LRRC63: variants seen among roughly 807,000 people sequenced by gnomAD.
LRRC63 encodes the protein leucine rich repeat containing 63, also known as leucine-rich repeat-containing protein 63.
A neutral mutation model predicts 49.5 loss-of-function variants in LRRC63; 40 were observed. The observed-to-expected ratio is 0.81, with a 90% CI of 0.63 to 1.05. LRRC63 has a LOEUF of 1.05. LRRC63 is among the 50% of genes least tolerant of loss of function. LRRC63 has a pLI of 0.00. For missense variants in LRRC63, 636 were observed against 663.1 expected, an observed-to-expected ratio of 0.96 and a Z score of 0.45; for synonymous variants, 191 against 221.1, an observed-to-expected ratio of 0.86 and a Z score of 1.21.
chr13:46,249,255 G>A (rs141040108), intron 6 of LRRC63, among the ~76,000 whole-genome samples: 2,311 of 151,734 alleles, frequency 0.015, 76 homozygotes, highest in African/African-American at 0.052. Flanking sequence ...AACCTAAACA[G>A]AGAATAAGCA....
At chr13:46,255,089 CAG>C (rs1182926463) in intron 7 of LRRC63, among the ~76,000 whole-genome samples, 1 of 152,002 alleles carries the variant, frequency 6.6e-6, no homozygotes, top group Non-Finnish European at 1.5e-5. Flanking sequence ...ATCTTGAAAA[CAG>C]AATGAAATGC....
intron 8 of LRRC63, among the ~76,000 whole-genome samples, chr13:46,262,638 CTA>C (rs1360139683): frequency 3.3e-5 from 5 of 151,840 alleles, no homozygotes; most frequent in African/African-American, 7.2e-5. Flanking sequence ...TTTTTCTACT[CTA>C]AAACTTTTTT....
intron 7 of LRRC63, among the ~76,000 whole-genome samples, chr13:46,257,322 G>A (rs1414246182): frequency 1.3e-5 from 2 of 152,168 alleles, no homozygotes; most frequent in Non-Finnish European, 2.9e-5. Flanking sequence ...ATGCAGTCCT[G>A]CTGATGCCTT....
intron 8 of LRRC63, among the ~76,000 whole-genome samples, chr13:46,263,917 G>A (rs2047648355): frequency 6.6e-6 from 1 of 152,154 alleles, no homozygotes; most frequent in South Asian, 2.1e-4. Flanking sequence ...TTCATTGGCT[G>A]TTTAGCGTTT....
Position 46,260,404 on chromosome 13 carries a change from T to C in LRRC63, c.1227-1505T>C, listed in dbSNP as rs145813584. Among the ~76,000 whole-genome samples the C allele has an allele frequency of 6.7e-3, 1,021 of 152,346 alleles. 9 individuals carry two copies. The highest frequency in any genetic ancestry group is 0.011 in the Admixed American group (170 of 15,290). ...AGTCTCATTAACTTCTCAGAGCAAA[T>C]TATTTTAAATTAACTGGGGTCACCA... is the stretch of plus-strand genomic sequence containing the variant. On this transcript the variant is annotated intron_variant, in intron 7 of 9. Transcript: ENST00000595396.
intron 2 of LRRC63, among the ~76,000 whole-genome samples, chr13:46,223,701 C>A (rs1159843067): frequency 2.0e-5 from 3 of 151,824 alleles, no homozygotes; most frequent in Non-Finnish European, 2.9e-5. Context: ...TAAAAAAATA[C>A]AAAAATTAGC....
At position 46,218,231 on chromosome 13, in the gene LRRC63, A is replaced by T. The variant is rs2046309562; in HGVS notation, c.85+5112A>T. ...AAGTCTCCCATTATTATTGTGTGGG[A>T]GTCTAAGTCTCTTTGAAGGTTTCTA... On this transcript the variant is annotated intron_variant, in intron 2 of 9. Transcript: ENST00000595396. Among the ~76,000 whole-genome samples, 4 of 152,126 alleles carry T rather than the reference A, an allele frequency of 2.6e-5. No individual in the cohort carries two copies. The South Asian group carries it at 8.3e-4, about 32-fold the overall frequency.
At chr13:46,244,361 T>C (rs1017987776) in intron 5 of LRRC63, among the ~76,000 whole-genome samples, 1 of 152,208 alleles carries the variant, frequency 6.6e-6, no homozygotes, top group African/African-American at 2.4e-5. Flanking sequence ...GCACATATTG[T>C]GATCCTTAAA....
chr13:46,269,993 G>A (rs1028957547), intron 9 of LRRC63: 51 of 351,650 alleles, frequency 1.5e-4, no homozygotes, highest in African/African-American at 8.5e-4. Flanking sequence ...GGGTAGCACT[G>A]AACCTTATAT....
At chr13:46,216,965 A>G (rs1460265416) in intron 2 of LRRC63, among the ~76,000 whole-genome samples, 3 of 152,166 alleles carry the variant, frequency 2.0e-5, no homozygotes, top group African/African-American at 7.2e-5. Context: ...AGCCGACTTG[A>G]TTGTGGTGGA....
intron 7 of LRRC63, among the ~76,000 whole-genome samples, chr13:46,260,672 C>T (rs1459670737): frequency 6.6e-6 from 1 of 151,946 alleles, no homozygotes; most frequent in East Asian, 1.9e-4. Context: ...GACATCTGAG[C>T]CAAGACAAAA....
chr13:46,241,433 A>T (rs1013733739), intron 5 of LRRC63, among the ~76,000 whole-genome samples: 2 of 152,184 alleles, frequency 1.3e-5, no homozygotes, highest in South Asian at 4.1e-4. Flanking sequence ...AATGATAAAG[A>T]CACCAAAGCA....
chr13:46,234,573 T>C (rs991795948), intron 5 of LRRC63, among the ~76,000 whole-genome samples: 3 of 152,238 alleles, frequency 2.0e-5, no homozygotes, highest in African/African-American at 7.2e-5. Context: ...CTTTTTTTAT[T>C]ACTTAGCATA....
intron 5 of LRRC63, among the ~76,000 whole-genome samples, chr13:46,235,338 C>T (rs2138443207): frequency 6.6e-6 from 1 of 152,198 alleles, no homozygotes; most frequent in Non-Finnish European, 1.5e-5. Flanking sequence ...TCAAAGAATA[C>T]AGACTTCACA....
chr13:46,222,023 T>A (rs1231175872), intron 2 of LRRC63, among the ~76,000 whole-genome samples: 1 of 152,198 alleles, frequency 6.6e-6, no homozygotes, highest in Non-Finnish European at 1.5e-5. Context: ...ACATCTGTTA[T>A]TTTTTATCTT....
chr13:46,248,770 A>G (rs2047290366), intron 6 of LRRC63, among the ~76,000 whole-genome samples: 1 of 151,892 alleles, frequency 6.6e-6, no homozygotes, highest in South Asian at 2.1e-4. Flanking sequence ...AACACTATAA[A>G]CCAATTAGAC....
In LRRC63 at chr13:46,217,688, A is replaced by G. The variant is rs1034002650; in HGVS notation, c.85+4569A>G. On this transcript the variant is annotated intron_variant, in intron 2 of 9. Transcript: ENST00000595396. ...TGCTCTTGCTTCTCTAGTTCTTTTAATTGTGATGTTAGGGTGTCAATTTTA... is the reference window on the plus strand; with the variant it reads ...TGCTCTTGCTTCTCTAGTTCTTTTAGTTGTGATGTTAGGGTGTCAATTTTA... Among the ~76,000 whole-genome samples the G allele has an allele frequency of 5.9e-5, 9 of 151,956 alleles. No homozygotes were observed. In the South Asian group the frequency reaches 6.2e-4, roughly 11 times the overall value.
At chr13:46,220,543 G>C (rs973966803) in intron 2 of LRRC63, among the ~76,000 whole-genome samples, 1 of 152,140 alleles carries the variant, frequency 6.6e-6, no homozygotes, top group African/African-American at 2.4e-5. Flanking sequence ...TCAGCTCCAT[G>C]GGGGTGGGAT....
At chr13:46,243,300 A>G (rs1284153885) in intron 5 of LRRC63, among the ~76,000 whole-genome samples, 4 of 152,224 alleles carry the variant, frequency 2.6e-5, no homozygotes, top group East Asian at 1.9e-4. Flanking sequence ...ACCTCAAAGC[A>G]TAAACCTGTA....
Sources: allele counts gnomAD v4.1 joint callset (sites outside exome capture counted in the v4.1 genomes callset), GRCh38; gene constraint gnomAD v4.1.1; transcripts MANE v1.5; gene names NCBI Gene and HGNC (gene_info 2026-07-23, HGNC 2026-07-21).